Variants in TOM1L1 observed in about 807,000 individuals in gnomAD.
TOM1L1 encodes the protein target of myb1 like 1 membrane trafficking protein.
In TOM1L1, 64 loss-of-function variants were observed where a neutral mutation model predicts 63.4. The observed-to-expected ratio is 1.01, with a 90% CI of 0.83 to 1.24. TOM1L1 has a LOEUF of 1.24. Ranked by LOEUF, TOM1L1 falls within the 50% of genes most tolerant of loss-of-function variation. The pLI is 0.00. For synonymous variants in TOM1L1, 166 were observed against 194.4 expected (o/e 0.85, Z 1.22); for missense variants, 536 against 567.0 (o/e 0.95, Z 0.55).
intron 7 of TOM1L1, among the ~76,000 whole-genome samples, chr17:54,918,919 T>C (rs566082725): frequency 2.0e-5 from 3 of 152,274 alleles, no homozygotes; most frequent in African/African-American, 7.2e-5. Context: ...AACATCAGGG[T>C]AGTATACCTT....
chr17:54,926,641 G>GAA (rs11393749), intron 7 of TOM1L1, among the ~76,000 whole-genome samples: 1,848 of 143,402 alleles, frequency 0.013, 36 homozygotes, highest in African/African-American at 0.04. Flanking sequence ...GTAACCAGTT[G>GAA]AAAAAAAAAA....
In TOM1L1 at chr17:54,958,748, A is replaced by AAAAAAAAAAG. The variant is rs372776781; in HGVS notation, c.1371-1818_1371-1817insAAAAAAAAAG. ...TCCATCTCAAAAAAAAAAAAAAAAA[A>AAAAAAAAAAG]GGGGTTGTTGGTAGCTAGAGGATAC... On this transcript the variant is annotated intron_variant, in intron 14 of 15. Coordinates refer to ENST00000575882, the MANE Select transcript of TOM1L1 (RefSeq NM_005486.3). 2.1e-3 allele frequency among the ~76,000 whole-genome samples: 251 copies of AAAAAAAAAAG among 118,926 alleles called. 17 individuals are homozygous for AAAAAAAAAAG. Among genetic ancestry groups the AAAAAAAAAAG allele is most frequent in the South Asian group, 3.6e-3 (14 of 3,882 alleles). 78.0% of individuals were successfully genotyped at this position (118,926 alleles called of 152,430 possible). A position where few individuals can be genotyped will look rare whatever the true frequency, so the allele number is the denominator to read the frequency against.
chr17:54,940,691 A>AG (rs1160525172), intron 11 of TOM1L1, among the ~76,000 whole-genome samples: 29 of 152,342 alleles, frequency 1.9e-4, no homozygotes, highest in African/African-American at 7.0e-4. Context: ...AAAGGTGCTA[A>AG]GTAGTGTGTG....
At chr17:54,939,769 C>A (rs2049007345) in intron 11 of TOM1L1, among the ~76,000 whole-genome samples, 1 of 152,098 alleles carries the variant, frequency 6.6e-6, no homozygotes, top group African/African-American at 2.4e-5. Context: ...CGCTTTGTTG[C>A]CCAAGCTGGT....
At chr17:54,911,095 A>T (rs1236324430) in intron 3 of TOM1L1, among the ~76,000 whole-genome samples, 1 of 152,124 alleles carries the variant, frequency 6.6e-6, no homozygotes, top group Non-Finnish European at 1.5e-5. Context: ...GTATTGGTTC[A>T]TTCTTTCTTA....
At chr17:54,912,579 A>T in intron 3 of TOM1L1, 87 bp from the exon 4 acceptor site, 1 of 1,138,366 alleles carries the variant, frequency 8.8e-7, no homozygotes, top group Non-Finnish European at 1.2e-6. Context: ...ATGCTGATGG[A>T]ACCCATTATT....
chr17:54,900,977 T>C, intron 1 of TOM1L1, 54 bp downstream of exon 1: 2 of 1,608,604 alleles, frequency 1.2e-6, no homozygotes, highest in Non-Finnish European at 1.7e-6. Flanking sequence ...TGGGATCCTT[T>C]CCTGCTTGAT....
chr17:54,957,054 A>G (rs1480209146), intron 14 of TOM1L1: 1 of 152,272 alleles, frequency 6.6e-6, no homozygotes. Flanking sequence ...TAAACCAGCT[A>G]GCTGGCTGCA....
chr17:54,920,417 A>G (rs886861787), intron 7 of TOM1L1, among the ~76,000 whole-genome samples: 1 of 152,154 alleles, frequency 6.6e-6, no homozygotes, highest in African/African-American at 2.4e-5. Context: ...CCCAAATCCC[A>G]TTGAAATGAC....
intron 8 of TOM1L1, among the ~76,000 whole-genome samples, chr17:54,936,036 T>G (rs1225006007): frequency 6.6e-6 from 1 of 152,000 alleles, no homozygotes; most frequent in African/African-American, 2.4e-5. Context: ...GGCAGGAGAA[T>G]TGCTTGAACC....
At chr17:54,930,293 G>GGGACC in intron 8 of TOM1L1, 87 bp downstream of exon 8, 2 of 1,566,190 alleles carry the variant, frequency 1.3e-6, no homozygotes, top group Non-Finnish European at 1.7e-6. Context: ...GTGCCTACAA[G>GGGACC]TGACCCCTCT....
At chr17:54,930,383 T>A in intron 8 of TOM1L1, 177 bp downstream of exon 8, 1 of 721,236 alleles carries the variant, frequency 1.4e-6, no homozygotes, top group Non-Finnish European at 2.2e-6. Flanking sequence ...TCCTACTCAG[T>A]AAATGCTAGA....
intron 3 of TOM1L1, among the ~76,000 whole-genome samples, chr17:54,912,403 G>A (rs574602363): frequency 2.6e-5 from 4 of 152,278 alleles, no homozygotes; most frequent in East Asian, 3.9e-4. Flanking sequence ...TCAGCATTTA[G>A]CATTTAGTAC....
At position 54,937,116 on chromosome 17, in the gene TOM1L1, G is replaced by C; in HGVS notation, c.923G>C (p.Ser308Thr). The C allele has an allele frequency of 6.2e-7, 1 of 1,605,396 alleles. No individual in the cohort carries two copies. Among genetic ancestry groups the C allele is most frequent in the Non-Finnish European group, 8.5e-7 (1 of 1,175,086 alleles). ...KNQKEATNTT[S>T]EPSAPSQDLL... ...TTTTTGCTTTGTTTTCAGACTACCAGTGAGCCTTCTGCCCCATCTCAAGAT... is the reference window on the plus strand; with the variant it reads ...TTTTTGCTTTGTTTTCAGACTACCACTGAGCCTTCTGCCCCATCTCAAGAT... Residue 308 changes from serine to threonine, a missense_variant, in exon 10 of 16, where the codon AGT (serine) becomes ACT (threonine). Transcript: ENST00000575882.
At position 54,961,504 on chromosome 17, in the gene TOM1L1, C is replaced by G; in HGVS notation, c.*271C>G. On this transcript the variant is annotated 3_prime_UTR_variant, in exon 16 of 16. Coordinates refer to ENST00000575882, the MANE Select transcript of TOM1L1 (RefSeq NM_005486.3). The stretch of plus-strand genomic sequence containing the variant: ...AAAAATTACTTAGTCCTTAGGCCAA[C>G]CAATTTAACTGCAGTGTCATGTTTC... The G allele has an allele frequency of 7.1e-7, 1 of 1,416,226 alleles. No homozygotes were observed. The highest frequency in any genetic ancestry group is 1.4e-5 in the African/African-American group (1 of 69,284). The allele number at this position is 1,416,226 out of a possible 1,614,324, so 87.7% of individuals were successfully genotyped here.
intron 3 of TOM1L1, 82 bp from the exon 4 acceptor site, chr17:54,912,584 A>G: frequency 8.2e-7 from 1 of 1,213,604 alleles, no homozygotes; most frequent in African/African-American, 1.6e-5. Context: ...GATGGAACCC[A>G]TTATTTAGCA....
chr17:54,918,514 C>T (rs1450159133), intron 7 of TOM1L1, among the ~76,000 whole-genome samples: 1 of 152,052 alleles, frequency 6.6e-6, no homozygotes, highest in African/African-American at 2.4e-5. Context: ...CTGACCTGTA[C>T]AAGTAATGGA....
At chr17:54,945,880 TA>T (rs2049110522) in intron 11 of TOM1L1, among the ~76,000 whole-genome samples, 1 of 152,202 alleles carries the variant, frequency 6.6e-6, no homozygotes, top group Non-Finnish European at 1.5e-5. Flanking sequence ...CGATATCTGT[TA>T]TTGTCTTCTC....
In TOM1L1 at chr17:54,947,210, A is replaced by T. The variant is rs763036393; in HGVS notation, c.1131-51A>T. 18 of 1,572,646 alleles carry T rather than the reference A, an allele frequency of 1.1e-5. No homozygotes were observed. The East Asian group carries it at 3.1e-4, about 27-fold the overall frequency. On this transcript the variant is annotated intron_variant, in intron 11 of 15. Coordinates refer to ENST00000575882, the MANE Select transcript of TOM1L1 (RefSeq NM_005486.3). Reference sequence around the variant, plus strand: ...CTAGGAAAATTATCTTACTTTTTGCATTTGTGTTCTCACTGTAGGGTAATC... The same window carrying T: ...CTAGGAAAATTATCTTACTTTTTGCTTTTGTGTTCTCACTGTAGGGTAATC...
Sources: allele counts gnomAD v4.1 joint callset (sites outside exome capture counted in the v4.1 genomes callset), GRCh38; gene constraint gnomAD v4.1.1; transcripts MANE v1.5; gene names NCBI Gene and HGNC (gene_info 2026-07-23, HGNC 2026-07-21).